Variants in FSTL4 observed in about 807,000 individuals in gnomAD.
The protein encoded by FSTL4 is follistatin like 4, also known as follistatin-related protein 4.
Under a neutral mutation model 78.2 loss-of-function variants are expected in FSTL4, and 28 were observed. The ratio of observed to expected loss-of-function variants is 0.36; its 90% CI spans 0.27 to 0.49. FSTL4 has a LOEUF of 0.49. Ranked by LOEUF, FSTL4 falls within the 20% of genes least tolerant of loss-of-function variation. The pLI is 0.98. For synonymous variants in FSTL4, 422 were observed against 440.5 expected (o/e 0.96, Z 0.53); for missense variants, 922 against 1,084.9 (o/e 0.85, Z 2.11).
At chr5:133,748,179 C>T in the FSTL4 span, among the ~76,000 whole-genome samples, 1 of 147,762 alleles carries the variant, frequency 6.8e-6, no homozygotes, top group Admixed American at 6.8e-5. Context: ...GGCGACAGAA[C>T]GAGACTCCGT....
intron 3 of FSTL4, among the ~76,000 whole-genome samples, chr5:133,471,883 C>T (rs1415868246): frequency 6.6e-6 from 1 of 152,192 alleles, no homozygotes; most frequent in Non-Finnish European, 1.5e-5. Flanking sequence ...TTTCATCCCC[C>T]TTGCTCTAGA....
chr5:133,475,237 T>C (rs559108214), intron 3 of FSTL4, among the ~76,000 whole-genome samples: 5 of 152,216 alleles, frequency 3.3e-5, no homozygotes, highest in Admixed American at 6.5e-5. Flanking sequence ...CCCAGTTAAC[T>C]ACCAATAGGT....
intron 8 of FSTL4, among the ~76,000 whole-genome samples, chr5:133,232,019 T>C (rs550745099): frequency 1.4e-4 from 21 of 152,340 alleles, no homozygotes; most frequent in African/African-American, 4.6e-4. Flanking sequence ...GAGGTTATTA[T>C]TGTGTTTTTG....
the FSTL4 span, among the ~76,000 whole-genome samples, chr5:133,620,941 TAA>T: frequency 6.6e-6 from 1 of 152,140 alleles, no homozygotes; most frequent in Non-Finnish European, 1.5e-5. Context: ...CAGAGGAAAA[TAA>T]GTCATTATTC....
chr5:133,332,275 T>C (rs926347038), intron 4 of FSTL4, among the ~76,000 whole-genome samples: 2 of 152,228 alleles, frequency 1.3e-5, no homozygotes, highest in Admixed American at 1.3e-4. Context: ...GTGCTGGCTC[T>C]CACTAGACTC....
chr5:133,744,537 T>A, the FSTL4 span, among the ~76,000 whole-genome samples: 72 of 152,338 alleles, frequency 4.7e-4, 1 homozygote, highest in East Asian at 0.012. Context: ...GATGACACCA[T>A]TGAGCAGAGG....
At position 133,373,339 on chromosome 5, in the gene FSTL4, T is replaced by C. The variant is rs1755358670; in HGVS notation, c.409+27399A>G. 1.3e-5 allele frequency among the ~76,000 whole-genome samples: 2 copies of C among 152,160 alleles called. 1 individual carries two copies. Among genetic ancestry groups the C allele is most frequent in the South Asian group, 4.1e-4 (2 of 4,822 alleles). On this transcript the variant is annotated intron_variant, in intron 4 of 15. Transcript: ENST00000265342. ...ATGCAGGAGGTGGGCGGTCAGCACC[T>C]TGAATCTTGGACTGTGGGAATTATA... is the stretch of plus-strand genomic sequence containing the variant.
At chr5:133,219,348 C>T (rs780063708) in intron 12 of FSTL4, among the ~76,000 whole-genome samples, 2 of 152,180 alleles carry the variant, frequency 1.3e-5, no homozygotes, top group Non-Finnish European at 2.9e-5. Flanking sequence ...CATATTTAAT[C>T]CTTATATAAT....
intron 2 of FSTL4, chr5:133,574,916 T>C (rs1760244919): frequency 6.6e-6 from 1 of 152,194 alleles, no homozygotes; most frequent in East Asian, 1.9e-4. Context: ...TTTGCGAGGA[T>C]AATGACCGGG....
chr5:133,447,815 C>A (rs1233566764), intron 3 of FSTL4, among the ~76,000 whole-genome samples: 2 of 152,228 alleles, frequency 1.3e-5, no homozygotes, highest in Non-Finnish European at 1.5e-5. Flanking sequence ...GCTGGGATTA[C>A]AGGTGTGAAC....
In FSTL4 at chr5:133,371,828, G is replaced by T. The variant is rs370355054; in HGVS notation, c.409+28910C>A. Among the ~76,000 whole-genome samples the T allele has an allele frequency of 6.6e-5, 10 of 152,294 alleles. No individual in the cohort carries two copies. In the East Asian group the frequency reaches 1.7e-3, roughly 26 times the overall value. ...GTTAGAGCTGGAAGGACTCCTCATC[G>T]TCAGACCTCGCTCCCGGGGCAGAAA... On this transcript the variant is annotated intron_variant, in intron 4 of 15. Coordinates refer to ENST00000265342, the MANE Select transcript of FSTL4 (RefSeq NM_015082.2).
At chr5:133,685,125 A>AT in the FSTL4 span, among the ~76,000 whole-genome samples, 1 of 152,108 alleles carries the variant, frequency 6.6e-6, no homozygotes, top group African/African-American at 2.4e-5. Flanking sequence ...CACAGTTCTA[A>AT]TTTTCAAAGG....
intron 3 of FSTL4, among the ~76,000 whole-genome samples, chr5:133,460,815 A>C (rs1361179782): frequency 1.3e-5 from 2 of 152,204 alleles, no homozygotes; most frequent in Non-Finnish European, 2.9e-5. Context: ...TCTGGCTCAA[A>C]CGCCTTCCAA....
At chr5:133,750,436 C>T in the FSTL4 span, among the ~76,000 whole-genome samples, 4 of 152,156 alleles carry the variant, frequency 2.6e-5, no homozygotes. Context: ...GATGTTCTGA[C>T]TCCCAGCTTC....
the FSTL4 span, among the ~76,000 whole-genome samples, chr5:133,727,666 G>A: frequency 6.6e-6 from 1 of 152,232 alleles, no homozygotes; most frequent in African/African-American, 2.4e-5. Context: ...AGACTGCAAA[G>A]CAGGACACAG....
At chr5:133,224,448 G>A in intron 10 of FSTL4, 1 of 406,378 alleles carries the variant, frequency 2.5e-6, no homozygotes, top group South Asian at 5.9e-5. Flanking sequence ...GTGAATCTTT[G>A]AAATCATGCC....
chr5:133,255,692 C>T (rs1008861041), intron 6 of FSTL4, among the ~76,000 whole-genome samples: 1 of 152,238 alleles, frequency 6.6e-6, no homozygotes, highest in Non-Finnish European at 1.5e-5. Context: ...TGAGATGCCA[C>T]AAACACCCGT....
chr5:133,349,920 C>T (rs1310916789), intron 4 of FSTL4, among the ~76,000 whole-genome samples: 1 of 145,464 alleles, frequency 6.9e-6, no homozygotes, highest in Non-Finnish European at 1.5e-5. Flanking sequence ...GTTTGTCATG[C>T]TGCCATGCGA....
the FSTL4 span, among the ~76,000 whole-genome samples, chr5:133,833,963 C>T: frequency 2.6e-3 from 398 of 152,232 alleles, 1 homozygote; most frequent in South Asian, 1.0e-2. Context: ...AGAAGTCAGA[C>T]GTGTCCCTAT....
Sources: gnomAD v4.1 joint callset for allele counts (sites outside exome capture counted in the v4.1 genomes callset) on GRCh38, gnomAD v4.1.1 for gene constraint, MANE v1.5 for transcripts, NCBI Gene and HGNC (gene_info 2026-07-23, HGNC 2026-07-21) for gene names.